The following LRMDA variants were observed in gnomAD, a reference collection of about 807,000 sequenced individuals.
LRMDA encodes the protein leucine rich melanocyte differentiation associated, also known as leucine-rich melanocyte differentiation-associated protein.
LRMDA carries 18 observed loss-of-function variants against 29.8 expected under a neutral mutation model. The observed-to-expected ratio is 0.60, with a 90% CI of 0.42 to 0.90. The LOEUF is 0.90. Ranked by LOEUF, LRMDA falls within the 40% of genes least tolerant of loss-of-function variation. The pLI, the probability that LRMDA is intolerant of heterozygous loss-of-function variation, is 0.00. For synonymous variants in LRMDA, 125 were observed against 109.4 expected, an observed-to-expected ratio of 1.14 and a Z score of -0.89; for missense variants, 273 against 273.9, an observed-to-expected ratio of 1.00 and a Z score of 0.02.
At chr10:75,821,795 C>CAAA (rs142834137) in intron 2 of LRMDA, among the ~76,000 whole-genome samples, 16 of 151,000 alleles carry the variant, frequency 1.1e-4, no homozygotes, top group Non-Finnish European at 1.8e-4. Context: ...AACAAACAAA[C>CAAA]AAAAAAAACC....
At chr10:75,649,751 T>C (rs771489231) in intron 2 of LRMDA, among the ~76,000 whole-genome samples, 5 of 152,242 alleles carry the variant, frequency 3.3e-5, no homozygotes, top group Non-Finnish European at 7.3e-5. Flanking sequence ...GCTGCACAAC[T>C]TTCCGATTTC....
intron 3 of LRMDA, among the ~76,000 whole-genome samples, chr10:76,045,415 C>G (rs1045692959): frequency 6.7e-6 from 1 of 150,000 alleles, no homozygotes; most frequent in African/African-American, 2.5e-5. Context: ...TGTTAGTTTC[C>G]CCTCTCTTGG....
chr10:76,402,739 T>C (rs1469146744), intron 6 of LRMDA, among the ~76,000 whole-genome samples: 1 of 152,154 alleles, frequency 6.6e-6, no homozygotes, highest in East Asian at 1.9e-4. Flanking sequence ...TAGTCCAGTA[T>C]TTTCACACCT....
intron 6 of LRMDA, among the ~76,000 whole-genome samples, chr10:76,486,900 G>T (rs190397597): frequency 1.3e-5 from 2 of 151,980 alleles, no homozygotes; most frequent in East Asian, 3.9e-4. Flanking sequence ...AGGGAAAAGT[G>T]AATATTCTTT....
intron 5 of LRMDA, among the ~76,000 whole-genome samples, chr10:76,150,584 C>A (rs1420958884): frequency 6.6e-6 from 1 of 152,194 alleles, no homozygotes; most frequent in African/African-American, 2.4e-5. Context: ...ACAACCTGTC[C>A]ATTAAGCGGA....
chr10:76,383,415 CTTTTTTTTTTTTTT>C (rs1157185768), intron 6 of LRMDA, among the ~76,000 whole-genome samples: 3 of 87,266 alleles, frequency 3.4e-5, no homozygotes, highest in Non-Finnish European at 6.2e-5. Context: ...AATGTCTTTT[CTTTTTTTTTTTTTT>C]TTTTTTTTTT....
chr10:76,206,896 G>A (rs773662897), intron 5 of LRMDA, among the ~76,000 whole-genome samples: 32 of 152,196 alleles, frequency 2.1e-4, no homozygotes, highest in Non-Finnish European at 2.9e-4. Flanking sequence ...CCATTTGTCC[G>A]GGGCTTGCTA....
intron 2 of LRMDA, among the ~76,000 whole-genome samples, chr10:75,715,665 AT>A (rs900797052): frequency 2.6e-5 from 4 of 151,676 alleles, no homozygotes; most frequent in South Asian, 2.1e-4. Context: ...AGCCTATTTA[AT>A]TTTTTTTTAC....
chr10:75,870,834 G>A (rs1423232567), intron 2 of LRMDA, among the ~76,000 whole-genome samples: 1 of 152,114 alleles, frequency 6.6e-6, no homozygotes, highest in Non-Finnish European at 1.5e-5. Context: ...ATGATTTCCA[G>A]TTCACTGTCT....
intron 2 of LRMDA, among the ~76,000 whole-genome samples, chr10:75,580,839 A>G (rs931296462): frequency 1.2e-4 from 18 of 152,356 alleles, no homozygotes; most frequent in South Asian, 1.0e-3. Flanking sequence ...TATTTAATAA[A>G]TGGTGCTGGG....
chr10:75,745,756 C>T (rs1226574074), intron 2 of LRMDA, among the ~76,000 whole-genome samples: 1 of 152,220 alleles, frequency 6.6e-6, no homozygotes, highest in African/African-American at 2.4e-5. Flanking sequence ...CAGAATGCCA[C>T]ACTGCTTTTA....
intron 5 of LRMDA, among the ~76,000 whole-genome samples, chr10:76,227,268 G>A (rs111723948): frequency 7.2e-5 from 11 of 152,066 alleles, no homozygotes; most frequent in African/African-American, 1.7e-4. Context: ...TAAATATATC[G>A]GTAAAGTATA....
At chr10:75,445,619 C>G (rs1844383872) in intron 2 of LRMDA, among the ~76,000 whole-genome samples, 1 of 152,220 alleles carries the variant, frequency 6.6e-6, no homozygotes, top group South Asian at 2.1e-4. Flanking sequence ...TTTTAATGAA[C>G]TGTTCCAGCT....
intron 5 of LRMDA, among the ~76,000 whole-genome samples, chr10:76,214,406 G>A (rs141618466): frequency 0.012 from 1,769 of 144,452 alleles, 35 homozygotes; most frequent in African/African-American, 0.042. Flanking sequence ...CCGCAGTGGC[G>A]CAATCTCGGC....
At chr10:76,489,228 A>C (rs191110599) in intron 6 of LRMDA, among the ~76,000 whole-genome samples, 1 of 151,626 alleles carries the variant, frequency 6.6e-6, no homozygotes, top group East Asian at 1.9e-4. Context: ...TTATTTCTTC[A>C]TGGTTCAATT....
chr10:75,675,329 G>A (rs957462262), intron 2 of LRMDA, among the ~76,000 whole-genome samples: 1 of 152,302 alleles, frequency 6.6e-6, no homozygotes, highest in East Asian at 1.9e-4. Context: ...CTTATGGTAT[G>A]TTTTCTTCAA....
chr10:76,000,586 G>A (rs1847545573), intron 2 of LRMDA, among the ~76,000 whole-genome samples: 1 of 152,226 alleles, frequency 6.6e-6, no homozygotes, highest in Non-Finnish European at 1.5e-5. Flanking sequence ...TGTGGTGAAT[G>A]TGAATCGAGT....
chr10:75,823,311 C>T (rs1250368795), intron 2 of LRMDA, among the ~76,000 whole-genome samples: 1 of 152,144 alleles, frequency 6.6e-6, no homozygotes, highest in African/African-American at 2.4e-5. Flanking sequence ...CACGAACAGA[C>T]ATTTTTCAAT....
Position 76,067,661 on chromosome 10 carries a change from C to A in LRMDA, c.516+8878C>A, listed in dbSNP as rs544201001. ...CCTTCCCATGCTTTTGTCCATCCTC[C>A]AGCCCACCCCTCCCAATTCTTTGCT... On this transcript the variant is annotated intron_variant, in intron 5 of 6. Transcript: ENST00000611255. 2.6e-5 allele frequency among the ~76,000 whole-genome samples: 4 copies of A among 152,270 alleles called. No homozygotes were observed. The East Asian group carries it at 5.8e-4, about 22-fold the overall frequency.
Sources: allele counts gnomAD v4.1 joint callset (sites outside exome capture counted in the v4.1 genomes callset), GRCh38; gene constraint gnomAD v4.1.1; transcripts MANE v1.5; gene names NCBI Gene and HGNC (gene_info 2026-07-23, HGNC 2026-07-21).